Variants in DNAJC15 observed in about 807,000 individuals in gnomAD.
The protein encoded by DNAJC15 is dnaJ homolog subfamily C member 15.
In DNAJC15, 27 loss-of-function variants were observed where a neutral mutation model predicts 22.4. That is an observed-to-expected ratio of 1.20 (90% CI 0.89 to 1.66). The LOEUF is 1.66. Among genes scored for constraint, DNAJC15 ranks in the 40% most tolerant of loss-of-function variants. DNAJC15 has a pLI of 0.00. For missense variants in DNAJC15, 208 were observed against 187.1 expected, an observed-to-expected ratio of 1.11 and a Z score of -0.65; for synonymous variants, 79 against 63.2, an observed-to-expected ratio of 1.25 and a Z score of -1.19.
chr13:43,081,152 T>C (rs1238756099), intron 4 of DNAJC15, among the ~76,000 whole-genome samples: 1 of 152,238 alleles, frequency 6.6e-6, no homozygotes, highest in Non-Finnish European at 1.5e-5. Context: ...AATAGTGTCC[T>C]GCAATATGAC....
chr13:43,061,803 A>G (rs947643496), intron 1 of DNAJC15, among the ~76,000 whole-genome samples: 2 of 152,386 alleles, frequency 1.3e-5, no homozygotes, highest in Middle Eastern at 3.4e-3. Flanking sequence ...GCCCCACCTC[A>G]TTACATTTCC....
intron 1 of DNAJC15, among the ~76,000 whole-genome samples, chr13:43,046,637 C>T (rs9533359): frequency 0.012 from 1,780 of 152,296 alleles, 12 homozygotes; most frequent in Admixed American, 0.019. Context: ...GATATAAACC[C>T]AGGCATTGGA....
intron 4 of DNAJC15, among the ~76,000 whole-genome samples, chr13:43,081,863 A>G (rs1350809283): frequency 1.3e-5 from 2 of 152,184 alleles, no homozygotes; most frequent in Non-Finnish European, 2.9e-5. Context: ...AAGAGGTTTA[A>G]TGGACTCACA....
intron 1 of DNAJC15, among the ~76,000 whole-genome samples, chr13:43,024,365 AC>A (rs2040369378): frequency 1.6e-5 from 1 of 64,112 alleles, no homozygotes; most frequent in African/African-American, 5.7e-5. Flanking sequence ...TTTTTTTGAG[AC>A]GGAGTCTCGC....
intron 1 of DNAJC15, among the ~76,000 whole-genome samples, chr13:43,035,504 G>T (rs2040425038): frequency 6.6e-6 from 1 of 152,140 alleles, no homozygotes; most frequent in African/African-American, 2.4e-5. Context: ...GTAGGCATTA[G>T]AACTGAAGAG....
chr13:43,045,740 G>A (rs989912236), intron 1 of DNAJC15, among the ~76,000 whole-genome samples: 2 of 152,180 alleles, frequency 1.3e-5, no homozygotes, highest in Admixed American at 1.3e-4. Flanking sequence ...AACAGGTACT[G>A]AGTATAAAAT....
intron 5 of DNAJC15, among the ~76,000 whole-genome samples, chr13:43,105,557 C>T (rs1593334439): frequency 6.6e-6 from 1 of 152,140 alleles, no homozygotes; most frequent in African/African-American, 2.4e-5. Context: ...ATTGTCATGT[C>T]ATTTTTTTCC....
rs182735685 is a variant in DNAJC15 at position 43,108,920 on chromosome 13, A to G, written c.*1672A>G. The G allele has an allele frequency of 3.0e-4, 45 of 152,274 alleles. No individual in the cohort carries two copies. The East Asian group carries it at 6.4e-3, about 22-fold the overall frequency. 9.4% of individuals were successfully genotyped at this position (152,274 alleles called of 1,614,324 possible). A position where few individuals can be genotyped will look rare whatever the true frequency, so the allele number is the denominator to read the frequency against. On this transcript the variant is annotated 3_prime_UTR_variant, in exon 6 of 6. Coordinates refer to ENST00000379221, the MANE Select transcript of DNAJC15 (RefSeq NM_013238.3). Reference sequence around the variant, plus strand: ...GCTTTAAAGTCCCCATACGTGTCCTACTAATTTTCTCATGCTTTAGTGTTT... The same window carrying G: ...GCTTTAAAGTCCCCATACGTGTCCTGCTAATTTTCTCATGCTTTAGTGTTT...
intron 1 of DNAJC15, among the ~76,000 whole-genome samples, chr13:43,058,939 C>T (rs1259480604): frequency 1.3e-5 from 2 of 152,236 alleles, no homozygotes; most frequent in Non-Finnish European, 2.9e-5. Flanking sequence ...GACTCCCCCT[C>T]TCACACTTTG....
At chr13:43,024,774 T>C (rs1408824658) in intron 1 of DNAJC15, among the ~76,000 whole-genome samples, 1 of 151,702 alleles carries the variant, frequency 6.6e-6, no homozygotes, top group Non-Finnish European at 1.5e-5. Context: ...ATATGAAATA[T>C]TGCCCAAGTG....
intron 5 of DNAJC15, among the ~76,000 whole-genome samples, chr13:43,092,273 G>A (rs553233782): frequency 7.2e-5 from 11 of 152,038 alleles, no homozygotes; most frequent in African/African-American, 1.4e-4. Context: ...CTACCTTATC[G>A]AAAATATGTA....
intron 5 of DNAJC15, among the ~76,000 whole-genome samples, chr13:43,099,470 GA>G (rs750884202): frequency 6.6e-6 from 1 of 152,152 alleles, no homozygotes; most frequent in Non-Finnish European, 1.5e-5. Flanking sequence ...TGATCTTAGG[GA>G]AAAGCATCCA....
At chr13:43,074,382 T>C (rs2040622940) in intron 3 of DNAJC15, among the ~76,000 whole-genome samples, 1 of 152,198 alleles carries the variant, frequency 6.6e-6, no homozygotes, top group African/African-American at 2.4e-5. Flanking sequence ...AATGGGATAG[T>C]ACAAAATAAT....
At chr13:43,101,388 T>C (rs181354950) in intron 5 of DNAJC15, among the ~76,000 whole-genome samples, 57 of 152,342 alleles carry the variant, frequency 3.7e-4, no homozygotes, top group African/African-American at 1.3e-3. Context: ...GATTGTTTAA[T>C]CCTTTCTCAT....
At position 43,109,659 on chromosome 13, in the gene DNAJC15, T is replaced by C. The variant is rs939894169; in HGVS notation, c.*2411T>C. On this transcript the variant is annotated 3_prime_UTR_variant, in exon 6 of 6. Transcript: ENST00000379221. ...GGCAGTTACTTAATTTTCTAGTCAATAACCCGTATCTATAAAATAGAGAAA... is the reference window on the plus strand; with the variant it reads ...GGCAGTTACTTAATTTTCTAGTCAACAACCCGTATCTATAAAATAGAGAAA... 1 of 151,998 alleles carries C rather than the reference T, an allele frequency of 6.6e-6. No homozygotes were observed. Among genetic ancestry groups the C allele is most frequent in the Non-Finnish European group, 1.5e-5 (1 of 67,998 alleles). The allele number at this position is 151,998 out of a possible 1,614,324, so 9.4% of individuals were successfully genotyped here. A position where few individuals can be genotyped will look rare whatever the true frequency, so the allele number is the denominator to read the frequency against.
chr13:43,098,729 G>A (rs549138695), intron 5 of DNAJC15, among the ~76,000 whole-genome samples: 2 of 152,262 alleles, frequency 1.3e-5, no homozygotes, highest in East Asian at 3.9e-4. Context: ...CCTGTTCTCA[G>A]TTCAGTTTCA....
At chr13:43,036,626 C>T (rs2040430201) in intron 1 of DNAJC15, among the ~76,000 whole-genome samples, 2 of 152,240 alleles carry the variant, frequency 1.3e-5, no homozygotes. Flanking sequence ...CAGGGACCCA[C>T]CCTTTCCTGC....
At chr13:43,035,827 C>A (rs59988812) in intron 1 of DNAJC15, among the ~76,000 whole-genome samples, 2,672 of 152,076 alleles carry the variant, frequency 0.018, 97 homozygotes, top group East Asian at 0.13. Context: ...CTGAAGTGAT[C>A]CTCCCACTTC....
intron 4 of DNAJC15, among the ~76,000 whole-genome samples, chr13:43,084,439 A>T (rs1470228917): frequency 2.6e-5 from 4 of 152,218 alleles, no homozygotes; most frequent in Non-Finnish European, 4.4e-5. Context: ...CACAGCTAAT[A>T]AGTAGTGGAA....
Sources: gnomAD v4.1 joint callset for allele counts (sites outside exome capture counted in the v4.1 genomes callset) on GRCh38, gnomAD v4.1.1 for gene constraint, MANE v1.5 for transcripts, NCBI Gene and HGNC (gene_info 2026-07-23, HGNC 2026-07-21) for gene names.